The following JPH1 variants were observed in gnomAD, a reference collection of about 807,000 sequenced individuals.
JPH1 encodes the protein junctophilin-1.
In JPH1, 12 loss-of-function variants were observed where a neutral mutation model predicts 53.6. That is an observed-to-expected ratio of 0.22 (90% confidence interval 0.14 to 0.36). The LOEUF (loss-of-function observed/expected upper bound fraction) is 0.36. Among genes scored for constraint, JPH1 ranks in the 10% least tolerant of loss-of-function variants. The probability of loss-of-function intolerance (pLI) is 1.00; values close to 1 mark genes in which losing one functional copy is unlikely to be tolerated. For synonymous variants in JPH1, 375 were observed against 363.8 expected, an observed-to-expected ratio of 1.03 and a Z score of -0.35; for missense variants, 808 against 905.5, an observed-to-expected ratio of 0.89 and a Z score of 1.38.
chr8:74,274,107 T>C (rs1806781865), intron 2 of JPH1, among the ~76,000 whole-genome samples: 1 of 152,200 alleles, frequency 6.6e-6, no homozygotes, highest in Non-Finnish European at 1.5e-5. Flanking sequence ...CTTTTTGACA[T>C]AATCCAATTG....
chr8:74,275,318 A>T (rs955011031), intron 2 of JPH1, among the ~76,000 whole-genome samples: 2 of 152,272 alleles, frequency 1.3e-5, no homozygotes, highest in Admixed American at 1.3e-4. Context: ...CAAAACAGAG[A>T]TGTCTGTTTT....
chr8:74,319,831 A>G (rs1808263856), intron 1 of JPH1, among the ~76,000 whole-genome samples: 1 of 152,230 alleles, frequency 6.6e-6, no homozygotes, highest in Non-Finnish European at 1.5e-5. Flanking sequence ...CAGGAAATGC[A>G]CTTTGCTAAA....
At chr8:74,283,921 A>T (rs1295244453) in intron 2 of JPH1, among the ~76,000 whole-genome samples, 1 of 52 alleles carries the variant, frequency 0.019, no homozygotes, top group Non-Finnish European at 0.028. Flanking sequence ...TGAAAAGAAC[A>T]GTGGCAAGTA....
intron 2 of JPH1, among the ~76,000 whole-genome samples, chr8:74,313,924 A>C (rs13271899): frequency 0.28 from 43,265 of 152,132 alleles, 6,329 homozygotes; most frequent in East Asian, 0.4. Context: ...ATCCTTCCCT[A>C]ATAGAACTTT....
intron 4 of JPH1, among the ~76,000 whole-genome samples, chr8:74,240,621 G>A (rs945048530): frequency 3.9e-5 from 6 of 152,162 alleles, no homozygotes; most frequent in Admixed American, 3.3e-4. Context: ...TTGTTCATGA[G>A]TGTTTTAAGA....
chr8:74,298,135 C>T (rs1349129644), intron 2 of JPH1, among the ~76,000 whole-genome samples: 1 of 152,166 alleles, frequency 6.6e-6, no homozygotes, highest in Non-Finnish European at 1.5e-5. Flanking sequence ...GCTAAGTGCT[C>T]AAGGCTTCAA....
chr8:74,248,261 T>C (rs1226216521), intron 3 of JPH1, among the ~76,000 whole-genome samples: 1 of 152,202 alleles, frequency 6.6e-6, no homozygotes, highest in Non-Finnish European at 1.5e-5. Flanking sequence ...AAGAATTTAC[T>C]AGAATGGTGG....
In JPH1 at chr8:74,264,094, C is replaced by T. The variant is rs75742063; in HGVS notation, c.1140-4591G>A. ...AGACAGACTCCTCTGCAAGGCTCAG[C>T]ACAGGTACACATAGGGCCCTGAGAT... On this transcript the variant is annotated intron_variant, in intron 2 of 5. Coordinates refer to ENST00000342232, the MANE Select transcript of JPH1 (RefSeq NM_020647.4). 4.2e-3 allele frequency among the ~76,000 whole-genome samples: 642 copies of T among 152,284 alleles called. 7 individuals are homozygous for T. The highest frequency in any genetic ancestry group is 0.015 in the African/African-American group (617 of 41,564).
intron 2 of JPH1, among the ~76,000 whole-genome samples, chr8:74,266,304 C>T (rs1287462357): frequency 1.3e-5 from 2 of 151,834 alleles, no homozygotes; most frequent in Non-Finnish European, 2.9e-5. Context: ...AATCATCTCT[C>T]TGATAAATGG....
intron 2 of JPH1, among the ~76,000 whole-genome samples, chr8:74,289,658 C>T (rs1019637167): frequency 7.9e-5 from 12 of 152,154 alleles, no homozygotes; most frequent in Admixed American, 5.9e-4. Context: ...CTGATGCTGC[C>T]GCATGGATAA....
At position 74,306,261 on chromosome 8, in the gene JPH1, C is replaced by A. The variant is rs557624899; in HGVS notation, c.1139+8600G>T. Among the ~76,000 whole-genome samples, 25 of 152,246 alleles carry A rather than the reference C, an allele frequency of 1.6e-4. No individual in the cohort carries two copies. The South Asian group carries it at 5.2e-3, about 32-fold the overall frequency. On this transcript the variant is annotated intron_variant, in intron 2 of 5. Coordinates refer to ENST00000342232, the MANE Select transcript of JPH1 (RefSeq NM_020647.4). ...AGGTAGGGGCAGGACAGAGCTGGCA[C>A]CTAGGTCATCTTTCCAGTTTCAGCT... is the stretch of plus-strand genomic sequence containing the variant.
chr8:74,264,869 T>C (rs566185371), intron 2 of JPH1, among the ~76,000 whole-genome samples: 1 of 152,334 alleles, frequency 6.6e-6, no homozygotes, highest in South Asian at 2.1e-4. Flanking sequence ...CACTCCTTCT[T>C]ACAGTCTGGT....
At chr8:74,275,244 A>T (rs1335754789) in intron 2 of JPH1, among the ~76,000 whole-genome samples, 1 of 152,220 alleles carries the variant, frequency 6.6e-6, no homozygotes, top group Non-Finnish European at 1.5e-5. Context: ...GGTTACATGT[A>T]GTCAGGGATA....
rs1808274476 is a variant in JPH1 at position 74,320,212 on chromosome 8, A to G, written c.379+697T>C. Among the ~76,000 whole-genome samples, 1 of 152,208 alleles carries G rather than the reference A, an allele frequency of 6.6e-6. No individual in the cohort carries two copies. The highest frequency in any genetic ancestry group is 2.1e-4 in the South Asian group (1 of 4,826). ...GTCCAAGATCTCCAGGTCAGCAAAG[A>G]CTGCTACTCTTTTAAGACCAATACT... On this transcript the variant is annotated intron_variant, in intron 1 of 5. Coordinates refer to ENST00000342232, the MANE Select transcript of JPH1 (RefSeq NM_020647.4). This position sits in a 1 kb window ranked among gnomAD's most constrained non-coding sequence, Gnocchi z 4.4.
At chr8:74,243,688 G>A (rs894178077) in intron 4 of JPH1, among the ~76,000 whole-genome samples, 2 of 152,118 alleles carry the variant, frequency 1.3e-5, no homozygotes, top group African/African-American at 4.8e-5. Flanking sequence ...AGGTCAAGAG[G>A]TCATTTTTTA....
chr8:74,280,160 AC>A lies in JPH1; in HGVS notation c.1140-20658del, dbSNP rs566254920. ...AAAAATGAAGTTATATGTATTTGTA[AC>A]TGTAGATTGCAAAGTCTAGCAATAG... On this transcript the variant is annotated intron_variant, in intron 2 of 5. Coordinates refer to ENST00000342232, the MANE Select transcript of JPH1 (RefSeq NM_020647.4). 4.6e-5 allele frequency among the ~76,000 whole-genome samples: 7 copies of A among 152,326 alleles called. No homozygotes were observed. In the South Asian group the frequency reaches 1.5e-3, roughly 32 times the overall value.
At chr8:74,306,785 T>C (rs1190489028) in intron 2 of JPH1, among the ~76,000 whole-genome samples, 2 of 151,892 alleles carry the variant, frequency 1.3e-5, no homozygotes, top group African/African-American at 2.4e-5. Context: ...TTAGTAGAGA[T>C]GGGGTTTCAC....
At chr8:74,318,807 T>G (rs79646270) in intron 1 of JPH1, among the ~76,000 whole-genome samples, 1,836 of 152,312 alleles carry the variant, frequency 0.012, 43 homozygotes, top group African/African-American at 0.042. Flanking sequence ...TTTAGTGATA[T>G]TCCTATTTTG....
rs979417753 is a variant in JPH1, at chr8:74,260,813, G to A, written c.1140-1310C>T. 2.0e-5 allele frequency among the ~76,000 whole-genome samples: 3 copies of A among 152,160 alleles called. No homozygotes were observed. The East Asian group carries it at 5.8e-4, about 29-fold the overall frequency. ...ACCTCCTCTTGTCCTGTGCTCTCAC[G>A]GGACTCCTTTCACTTCTATTTAGGA... On this transcript the variant is annotated intron_variant, in intron 2 of 5. Transcript: ENST00000342232.
Sources: gnomAD v4.1 joint callset for allele counts (sites outside exome capture counted in the v4.1 genomes callset) on GRCh38, gnomAD v4.1.1 for gene constraint, Gnocchi (gnomAD v3.1) non-coding constraint, MANE v1.5 for transcripts, NCBI Gene and HGNC (gene_info 2026-07-23, HGNC 2026-07-21) for gene names.